MAEA: variants seen among roughly 807,000 people sequenced by gnomAD.
The protein encoded by MAEA is macrophage erythroblast attacher, E3 ubiquitin ligase.
A neutral mutation model predicts 46.2 loss-of-function variants in MAEA; 22 were observed. That is an observed-to-expected ratio of 0.48 (90% CI 0.34 to 0.68). The LOEUF is 0.68. Ranked by LOEUF, MAEA falls within the 30% of genes least tolerant of loss-of-function variation. MAEA has a pLI of 0.01. For synonymous variants in MAEA, 246 were observed against 222.6 expected, an observed-to-expected ratio of 1.11 and a Z score of -0.94; for missense variants, 393 against 558.1, an observed-to-expected ratio of 0.70 and a Z score of 2.98.
chr4:1,326,419 C>T (rs773735313), intron 4 of MAEA, among the ~76,000 whole-genome samples: 4 of 152,204 alleles, frequency 2.6e-5, no homozygotes, highest in Non-Finnish European at 5.9e-5. Context: ...ACGGTTTAGA[C>T]GGACATGTCA....
chr4:1,322,618 A>T, intron 4 of MAEA, 115 bp downstream of exon 4: 1 of 1,415,690 alleles, frequency 7.1e-7, no homozygotes, highest in Non-Finnish European at 9.6e-7. Flanking sequence ...TTGGTTTGTA[A>T]GGTGGGGGTT....
chr4:1,291,736 G>A (rs1050175230), intron 1 of MAEA, among the ~76,000 whole-genome samples: 4 of 152,196 alleles, frequency 2.6e-5, no homozygotes, highest in Admixed American at 2.0e-4. Flanking sequence ...AAGGGAGATG[G>A]AAGGTCTCCG....
At chr4:1,322,943 CTTTTTT>C (rs60692981) in intron 4 of MAEA, among the ~76,000 whole-genome samples, 1 of 75,246 alleles carries the variant, frequency 1.3e-5, no homozygotes, top group Non-Finnish European at 2.4e-5. Context: ...TGAATACCCA[CTTTTTT>C]TTTTTTTTTT....
chr4:1,315,772 C>T (rs1267602517), intron 3 of MAEA, among the ~76,000 whole-genome samples, 172 bp downstream of exon 3: 1 of 114,176 alleles, frequency 8.8e-6, no homozygotes, highest in African/African-American at 3.3e-5. Flanking sequence ...GTGTGTCCCC[C>T]CTCCAGTGTG....
Position 1,305,833 on chromosome 4 carries a change from C to T in MAEA, c.70-6146C>T, listed in dbSNP as rs114581420. On this transcript the variant is annotated intron_variant, in intron 1 of 8. Coordinates refer to ENST00000303400, the MANE Select transcript of MAEA (RefSeq NM_001017405.3). ...CAGTTATCAAAGCTAAGTCCCGAGCCGGAGACCCAGGAGAGCTGAAATGTA... is the reference window on the plus strand; with the variant it reads ...CAGTTATCAAAGCTAAGTCCCGAGCTGGAGACCCAGGAGAGCTGAAATGTA... Among the ~76,000 whole-genome samples, 898 of 152,276 alleles carry T rather than the reference C, an allele frequency of 5.9e-3. 9 individuals are homozygous for T. Among genetic ancestry groups the T allele is most frequent in the African/African-American group, 0.021 (855 of 41,560 alleles).
At chr4:1,336,690 G>T (rs186260048) in intron 6 of MAEA, among the ~76,000 whole-genome samples, 171 bp from the exon 7 acceptor site, 128 of 152,354 alleles carry the variant, frequency 8.4e-4, no homozygotes, top group African/African-American at 3.0e-3. Context: ...GTGTGTATCA[G>T]TCAACACTTG....
chr4:1,335,327 G>A, intron 6 of MAEA: 1 of 985,486 alleles, frequency 1.0e-6, no homozygotes, highest in South Asian at 4.7e-5. Flanking sequence ...CAGTGCACAG[G>A]TTGCACACAT....
chr4:1,298,456 G>A (rs1334187155), intron 1 of MAEA, among the ~76,000 whole-genome samples: 4 of 132,450 alleles, frequency 3.0e-5, no homozygotes, highest in South Asian at 2.3e-4. Context: ...AACTGTGTGC[G>A]GGACCCACAG....
chr4:1,305,611 TCCAGG>T (rs1735751070), intron 1 of MAEA, among the ~76,000 whole-genome samples: 2 of 151,886 alleles, frequency 1.3e-5, no homozygotes, highest in East Asian at 3.9e-4. Flanking sequence ...CCAGCAAGAG[TCCAGG>T]TATCCCGGCT....
chr4:1,329,950 T>C, intron 5 of MAEA: 1 of 985,384 alleles, frequency 1.0e-6, no homozygotes, highest in Non-Finnish European at 1.2e-6. Flanking sequence ...TCGGGCACCA[T>C]CTACAGGGCT....
Position 1,289,999 on chromosome 4 carries a change from C to T in MAEA, c.69+17C>T, listed in dbSNP as rs1411873642. On this transcript the variant is annotated intron_variant, in intron 1 of 8. Transcript: ENST00000303400. The stretch of plus-strand genomic sequence containing the variant: ...ACCCTCAAGGTGGGCGCCTGCGCCG[C>T]GCAGGCTGAGGGCAGCGAAGGCGTC... The T allele has an allele frequency of 1.3e-6, 2 of 1,576,034 alleles. No individual in the cohort carries two copies. The highest frequency in any genetic ancestry group is 1.7e-6 in the Non-Finnish European group (2 of 1,161,302).
At chr4:1,297,836 G>C (rs1734909852) in intron 1 of MAEA, 1 of 360,194 alleles carries the variant, frequency 2.8e-6, no homozygotes, top group South Asian at 2.0e-5. Flanking sequence ...GTATGTCTTG[G>C]TCTCATGGCC....
chr4:1,326,009 G>A (rs1386197144), intron 4 of MAEA, among the ~76,000 whole-genome samples: 1 of 152,006 alleles, frequency 6.6e-6, no homozygotes, highest in South Asian at 2.1e-4. Context: ...CAGCAGGGCA[G>A]GGACCTGAGC....
intron 4 of MAEA, among the ~76,000 whole-genome samples, chr4:1,326,543 G>C (rs996186541): frequency 2.0e-5 from 3 of 152,316 alleles, no homozygotes; most frequent in Admixed American, 2.0e-4. Context: ...ATTTCAGATT[G>C]AGGGTTGGGC....
At chr4:1,326,195 G>A (rs935462673) in intron 4 of MAEA, among the ~76,000 whole-genome samples, 4 of 152,222 alleles carry the variant, frequency 2.6e-5, no homozygotes, top group Non-Finnish European at 4.4e-5. Context: ...AAAGCTCTGG[G>A]AAGCGGAAGT....
intron 1 of MAEA, chr4:1,309,322 T>A: frequency 1.4e-6 from 1 of 721,292 alleles, no homozygotes; most frequent in Non-Finnish European, 1.8e-6. Flanking sequence ...CCAAATGCCC[T>A]TTAAGGAGCC....
chr4:1,307,154 T>C lies in MAEA; in HGVS notation c.70-4825T>C, dbSNP rs551420220. 6.6e-5 allele frequency among the ~76,000 whole-genome samples: 10 copies of C among 151,914 alleles called. 1 individual carries two copies. In the South Asian group the frequency reaches 1.7e-3, roughly 25 times the overall value. ...TTTTTAATTTAAAAAGATACTGTTA[T>C]ATATGTATACAATTTGCCATCAACC... On this transcript the variant is annotated intron_variant, in intron 1 of 8. Coordinates refer to ENST00000303400, the MANE Select transcript of MAEA (RefSeq NM_001017405.3).
chr4:1,299,738 A>G (rs376778386), intron 1 of MAEA: 20 of 152,226 alleles, frequency 1.3e-4, no homozygotes, highest in African/African-American at 3.9e-4. Flanking sequence ...ATCTTTGCCA[A>G]CGTCCGTGGT....
intron 1 of MAEA, chr4:1,310,098 C>G: frequency 2.3e-6 from 2 of 880,454 alleles, no homozygotes; most frequent in East Asian, 1.7e-4. Flanking sequence ...TCTTGTGAGG[C>G]GCCTGCACAG....
Sources: allele counts gnomAD v4.1 joint callset (sites outside exome capture counted in the v4.1 genomes callset), GRCh38; gene constraint gnomAD v4.1.1; transcripts MANE v1.5; gene names NCBI Gene and HGNC (gene_info 2026-07-23, HGNC 2026-07-21).